Variants in EPB41L2 observed in about 807,000 individuals in gnomAD.
The protein encoded by EPB41L2 is erythrocyte membrane protein band 4.1 like 2, also known as band 4.1-like protein 2.
EPB41L2 carries 43 observed loss-of-function variants against 113.0 expected under a neutral mutation model. The observed-to-expected ratio is 0.38, with a 90% CI of 0.30 to 0.49. EPB41L2 has a LOEUF of 0.49. EPB41L2 is among the 20% of genes least tolerant of loss of function. The pLI, the probability that EPB41L2 is intolerant of heterozygous loss-of-function variation, is 0.95. For synonymous variants in EPB41L2, 442 were observed against 436.7 expected, an observed-to-expected ratio of 1.01 and a Z score of -0.15; for missense variants, 1,147 against 1,223.4, an observed-to-expected ratio of 0.94 and a Z score of 0.93.
At chr6:130,940,897 T>A (rs1810623180) in intron 3 of EPB41L2, among the ~76,000 whole-genome samples, 1 of 152,216 alleles carries the variant, frequency 6.6e-6, no homozygotes, top group Non-Finnish European at 1.5e-5. Context: ...CAATACTTTA[T>A]CAATTTGACT....
At chr6:130,870,325 A>G in intron 14 of EPB41L2, 199 bp from the exon 15 acceptor site, 1 of 1,550,702 alleles carries the variant, frequency 6.4e-7, no homozygotes, top group Non-Finnish European at 8.7e-7. Context: ...AAAAGGGGAG[A>G]ACCTTAACAG....
chr6:131,010,240 C>A (rs942703216), intron 1 of EPB41L2, among the ~76,000 whole-genome samples: 2 of 152,020 alleles, frequency 1.3e-5, no homozygotes, highest in Non-Finnish European at 1.5e-5. Flanking sequence ...AATTCAAGGG[C>A]CAGTAGAAGT....
At chr6:130,986,576 A>G (rs1780601742) in intron 1 of EPB41L2, among the ~76,000 whole-genome samples, 1 of 151,456 alleles carries the variant, frequency 6.6e-6, no homozygotes, top group East Asian at 2.0e-4. Flanking sequence ...TAAGAGGTAT[A>G]GGATTTTTTT....
At chr6:131,028,937 C>T (rs2128748478) in intron 1 of EPB41L2, among the ~76,000 whole-genome samples, 1 of 152,266 alleles carries the variant, frequency 6.6e-6, no homozygotes, top group Middle Eastern at 3.4e-3. Flanking sequence ...ACCCTTGTTG[C>T]ATTTTTGAAT....
At chr6:131,011,028 TC>T (rs1786816830) in intron 1 of EPB41L2, among the ~76,000 whole-genome samples, 1 of 152,212 alleles carries the variant, frequency 6.6e-6, no homozygotes, top group Admixed American at 6.5e-5. Context: ...TTTTCCCTGA[TC>T]CAGTGTTAAG....
intron 3 of EPB41L2, among the ~76,000 whole-genome samples, chr6:130,936,583 A>G (rs1041635592): frequency 6.3e-4 from 34 of 54,374 alleles, no homozygotes; most frequent in Non-Finnish European, 8.5e-4. Flanking sequence ...TTCTAAGCCA[A>G]ATAGTGATAA....
intron 3 of EPB41L2, among the ~76,000 whole-genome samples, chr6:130,937,223 G>A (rs79123261): frequency 0.046 from 6,988 of 152,216 alleles, 240 homozygotes; most frequent in East Asian, 0.12. Context: ...ACAATGACAC[G>A]TATCCACGAT....
At chr6:130,878,939 G>C (rs573171352) in intron 13 of EPB41L2, among the ~76,000 whole-genome samples, 2 of 152,294 alleles carry the variant, frequency 1.3e-5, no homozygotes, top group African/African-American at 4.8e-5. Flanking sequence ...AAGCACAAAA[G>C]TGGGGTCTAG....
intron 6 of EPB41L2, among the ~76,000 whole-genome samples, chr6:130,902,843 T>C (rs904974147): frequency 6.6e-6 from 1 of 152,206 alleles, no homozygotes; most frequent in Admixed American, 6.5e-5. Context: ...ATTACCCAAC[T>C]GTACCTTCAC....
intron 1 of EPB41L2, among the ~76,000 whole-genome samples, chr6:130,989,079 ACT>A (rs1286262985): frequency 2.9e-5 from 4 of 138,568 alleles, no homozygotes; most frequent in East Asian, 2.7e-4. Flanking sequence ...ATAAAGTGAG[ACT>A]CTGTCTCAAA....
intron 1 of EPB41L2, among the ~76,000 whole-genome samples, chr6:130,990,900 C>T (rs993292160): frequency 4.7e-5 from 7 of 149,676 alleles, no homozygotes; most frequent in Non-Finnish European, 1.0e-4. Context: ...GATCTTGGCT[C>T]ACTGCAACCT....
chr6:130,867,414 A>G (rs766018715), intron 16 of EPB41L2, 45 bp downstream of exon 16: 179 of 1,594,368 alleles, frequency 1.1e-4, no homozygotes, highest in Non-Finnish European at 1.5e-4. Context: ...TAGATACACT[A>G]AGGGAAAAAA....
intron 1 of EPB41L2, among the ~76,000 whole-genome samples, chr6:131,001,841 C>G (rs958130625): frequency 6.6e-6 from 1 of 152,186 alleles, no homozygotes; most frequent in East Asian, 1.9e-4. Context: ...GCCCCCATGC[C>G]AGCTTCAATT....
chr6:130,894,315 C>T lies in EPB41L2; in HGVS notation c.1487+29G>A, dbSNP rs370837514. 59 of 1,576,154 alleles carry T rather than the reference C, an allele frequency of 3.7e-5. 1 individual carries two copies. The highest frequency in any genetic ancestry group is 2.7e-4 in the East Asian group (12 of 44,652). ...AATTACAGGCATGTGCGATCATGCC[C>T]GGCTTCCGAGCTGTTTTCCTAAAAT... On this transcript the variant is annotated intron_variant, in intron 10 of 19. Transcript: ENST00000337057.
chr6:131,025,769 C>G (rs914304906), intron 1 of EPB41L2, among the ~76,000 whole-genome samples: 1 of 152,176 alleles, frequency 6.6e-6, no homozygotes, highest in African/African-American at 2.4e-5. Context: ...AAATACCGTA[C>G]AAGCAGCAAA....
chr6:130,863,156 T>C (rs1350806611), intron 18 of EPB41L2, among the ~76,000 whole-genome samples: 1 of 152,214 alleles, frequency 6.6e-6, no homozygotes, highest in African/African-American at 2.4e-5. Flanking sequence ...TAAGAAACCT[T>C]GTATTACCTC....
intron 4 of EPB41L2, among the ~76,000 whole-genome samples, chr6:130,910,346 A>G (rs1323984975): frequency 1.3e-5 from 2 of 152,144 alleles, no homozygotes; most frequent in Non-Finnish European, 2.9e-5. Context: ...CTGAAACTGG[A>G]CTCCTTCCTT....
At chr6:130,867,216 G>C (rs1490418618) in intron 16 of EPB41L2, among the ~76,000 whole-genome samples, 1 of 152,122 alleles carries the variant, frequency 6.6e-6, no homozygotes, top group Non-Finnish European at 1.5e-5. Context: ...GATTGATACT[G>C]TCTGTCCTAA....
intron 1 of EPB41L2, among the ~76,000 whole-genome samples, chr6:131,018,175 C>T (rs993815916): frequency 2.0e-5 from 3 of 152,142 alleles, no homozygotes; most frequent in Admixed American, 2.0e-4. Flanking sequence ...AGAAACTAGC[C>T]TCCTTTTGCC....
Sources: gnomAD v4.1 joint callset for allele counts (sites outside exome capture counted in the v4.1 genomes callset) on GRCh38, gnomAD v4.1.1 for gene constraint, MANE v1.5 for transcripts, NCBI Gene and HGNC (gene_info 2026-07-23, HGNC 2026-07-21) for gene names.